NCAM2: variants seen among roughly 807,000 people sequenced by gnomAD.
NCAM2 encodes neural cell adhesion molecule 2, also known as N-CAM-2.
In NCAM2, 30 loss-of-function variants were observed where a neutral mutation model predicts 98.1. The ratio of observed to expected loss-of-function variants is 0.31; its 90% confidence interval spans 0.23 to 0.41. NCAM2 has a LOEUF of 0.41. Among genes scored for constraint, NCAM2 ranks in the 10% least tolerant of loss-of-function variants. The pLI is 1.00. For synonymous variants in NCAM2, 368 were observed against 342.4 expected, an observed-to-expected ratio of 1.07 and a Z score of -0.83; for missense variants, 867 against 1,005.8, an observed-to-expected ratio of 0.86 and a Z score of 1.87.
intron 1 of NCAM2, among the ~76,000 whole-genome samples, chr21:21,057,090 A>G (rs1023366341): frequency 6.6e-5 from 10 of 152,088 alleles, no homozygotes; most frequent in African/African-American, 2.4e-4. Context: ...CCACTATAGT[A>G]TTGAAAGATT....
At chr21:21,320,197 G>A (rs1204970357) in intron 5 of NCAM2, among the ~76,000 whole-genome samples, 1 of 152,144 alleles carries the variant, frequency 6.6e-6, no homozygotes, top group Non-Finnish European at 1.5e-5. Flanking sequence ...GCATAGAAAT[G>A]CTCTATTGAT....
chr21:21,125,494 G>GTAATATATTATATTTTACATATA (rs1338581385), intron 1 of NCAM2, among the ~76,000 whole-genome samples: 2 of 74,168 alleles, frequency 2.7e-5, no homozygotes, highest in Admixed American at 1.6e-4. Flanking sequence ...AGATATATAT[G>GTAATATATTATATTTTACATATA]TAATATGTAA....
At chr21:21,127,626 C>T (rs2066854694) in intron 1 of NCAM2, among the ~76,000 whole-genome samples, 1 of 152,106 alleles carries the variant, frequency 6.6e-6, no homozygotes, top group Non-Finnish European at 1.5e-5. Flanking sequence ...CTCACCTTCT[C>T]AGCCTCTGAT....
chr21:21,422,540 C>T (rs952191050), intron 11 of NCAM2, among the ~76,000 whole-genome samples: 16 of 152,152 alleles, frequency 1.1e-4, no homozygotes, highest in Admixed American at 2.0e-4. Flanking sequence ...CCATTAAACC[C>T]TGACTTCCTA....
intron 5 of NCAM2, among the ~76,000 whole-genome samples, chr21:21,317,691 T>C (rs1490221804): frequency 6.6e-6 from 1 of 151,838 alleles, no homozygotes; most frequent in African/African-American, 2.4e-5. Context: ...CACCATCCTA[T>C]CCTGCTAATT....
chr21:21,211,386 A>T (rs2069655883), intron 1 of NCAM2, among the ~76,000 whole-genome samples: 1 of 152,310 alleles, frequency 6.6e-6, no homozygotes, highest in East Asian at 1.9e-4. Context: ...TGACTTACAT[A>T]TGCTAAGAGC....
chr21:21,351,942 G>T (rs1057278670), intron 8 of NCAM2, among the ~76,000 whole-genome samples: 5 of 151,956 alleles, frequency 3.3e-5, no homozygotes, highest in Non-Finnish European at 7.4e-5. Context: ...TAGAGACAGG[G>T]TTTCACCATA....
chr21:21,488,105 A>C (rs150034327), intron 15 of NCAM2, among the ~76,000 whole-genome samples: 99 of 152,268 alleles, frequency 6.5e-4, no homozygotes, highest in African/African-American at 2.3e-3. Context: ...TTTAATATAT[A>C]TGCAATTTTC....
At chr21:21,372,461 A>G (rs2075941060) in intron 8 of NCAM2, among the ~76,000 whole-genome samples, 1 of 151,736 alleles carries the variant, frequency 6.6e-6, no homozygotes, top group South Asian at 2.1e-4. Flanking sequence ...AGACAGCAAA[A>G]ATGCTCATTA....
At chr21:21,496,641 G>C (rs1286936345) in intron 15 of NCAM2, among the ~76,000 whole-genome samples, 1 of 151,766 alleles carries the variant, frequency 6.6e-6, no homozygotes, top group Non-Finnish European at 1.5e-5. Context: ...TCTATTTTTT[G>C]TTTTGTTGCT....
At chr21:21,219,029 G>T (rs139446092) in intron 1 of NCAM2, among the ~76,000 whole-genome samples, 1 of 152,320 alleles carries the variant, frequency 6.6e-6, no homozygotes, top group African/African-American at 2.4e-5. Context: ...GGCGATGAGC[G>T]TGAAACAAGC....
chr21:21,509,218 C>T (rs1240147535), intron 16 of NCAM2, among the ~76,000 whole-genome samples, 163 bp downstream of exon 16: 1 of 151,968 alleles, frequency 6.6e-6, no homozygotes, highest in Non-Finnish European at 1.5e-5. Context: ...ACTATGTATC[C>T]TTATATATAA....
At chr21:21,512,167 C>T (rs1988428353) in intron 16 of NCAM2, among the ~76,000 whole-genome samples, 1 of 151,868 alleles carries the variant, frequency 6.6e-6, no homozygotes, top group South Asian at 2.1e-4. Context: ...GAAATTTATG[C>T]CCAGATCAAT....
chr21:21,043,674 A>G (rs1044780896), intron 1 of NCAM2, among the ~76,000 whole-genome samples: 1 of 151,808 alleles, frequency 6.6e-6, no homozygotes, highest in African/African-American at 2.4e-5. Context: ...AACACAGTGA[A>G]ACCGCGAATC....
intron 5 of NCAM2, among the ~76,000 whole-genome samples, chr21:21,294,467 TCTC>T (rs755048127): frequency 1.6e-4 from 25 of 151,862 alleles, no homozygotes; most frequent in African/African-American, 6.0e-4. Flanking sequence ...AGTAAATTCT[TCTC>T]CTCTGTCTCC....
chr21:21,228,586 A>G (rs1240287884), intron 1 of NCAM2, among the ~76,000 whole-genome samples: 3 of 151,564 alleles, frequency 2.0e-5, no homozygotes, highest in African/African-American at 7.2e-5. Context: ...AAGTATTCAA[A>G]TATTAAATAT....
At chr21:21,431,451 T>C (rs896190791) in intron 11 of NCAM2, among the ~76,000 whole-genome samples, 1 of 151,990 alleles carries the variant, frequency 6.6e-6, no homozygotes, top group Non-Finnish European at 1.5e-5. Context: ...AAGTAGTGGA[T>C]GGATTAAAAT....
In NCAM2 at chr21:21,542,433, T is replaced by G. The variant is rs1329383562; in HGVS notation, c.*4476T>G. ...CATAAATATATTATTTGTTATTACC[T>G]CTTTAAATTTTCATTTTATACAATT... is the stretch of plus-strand genomic sequence containing the variant. On this transcript the variant is annotated 3_prime_UTR_variant, in exon 18 of 18. Coordinates refer to ENST00000400546, the MANE Select transcript of NCAM2 (RefSeq NM_004540.5). The G allele has an allele frequency of 1.3e-5, 2 of 151,924 alleles. No individual in the cohort carries two copies. Among genetic ancestry groups the G allele is most frequent in the Admixed American group, 6.6e-5 (1 of 15,192 alleles). The allele number at this position is 151,924 out of a possible 1,614,324, so 9.4% of individuals were successfully genotyped here. A position where few individuals can be genotyped will look rare whatever the true frequency, so the allele number is the denominator to read the frequency against.
intron 9 of NCAM2, among the ~76,000 whole-genome samples, chr21:21,408,679 G>A (rs979323190): frequency 6.6e-6 from 1 of 151,986 alleles, no homozygotes; most frequent in Non-Finnish European, 1.5e-5. Flanking sequence ...ACTTATTGTG[G>A]GAATGAGCTT....
Sources: gnomAD v4.1 joint callset for allele counts (sites outside exome capture counted in the v4.1 genomes callset) on GRCh38, gnomAD v4.1.1 for gene constraint, MANE v1.5 for transcripts, NCBI Gene and HGNC (gene_info 2026-07-23, HGNC 2026-07-21) for gene names.